Variants in CHLSN observed in about 807,000 individuals in gnomAD.
CHLSN encodes the protein cholesin, also known as protein cholesin.
chr7:1,044,518 C>G, the CHLSN span: 1 of 151,878 alleles, frequency 6.6e-6, no homozygotes. Context: ...GGCATGGCTG[C>G]CGCTCGCCGG....
chr7:1,111,059 G>C, the CHLSN span, among the ~76,000 whole-genome samples: 1 of 152,214 alleles, frequency 6.6e-6, no homozygotes, highest in African/African-American at 2.4e-5. Context: ...CTGGGCGACA[G>C]AGCGAGACTC....
At chr7:1,057,903 G>C in the CHLSN span, 5 of 776,220 alleles carry the variant, frequency 6.4e-6, no homozygotes, top group South Asian at 6.7e-5. Flanking sequence ...CCACTACATC[G>C]AGCGTGCACT....
the CHLSN span, among the ~76,000 whole-genome samples, chr7:1,002,448 A>G: frequency 2.4e-5 from 1 of 41,952 alleles, no homozygotes; most frequent in East Asian, 8.2e-4. Context: ...CCTGTGGGTG[A>G]GTGGAGTCCT....
chr7:979,018 G>A, the CHLSN span, among the ~76,000 whole-genome samples: 2 of 152,210 alleles, frequency 1.3e-5, no homozygotes, highest in Non-Finnish European at 2.9e-5. Context: ...ACGAGCTGCT[G>A]GGCTTCCCCA....
At chr7:980,650 T>TA in the CHLSN span, among the ~76,000 whole-genome samples, 1 of 151,530 alleles carries the variant, frequency 6.6e-6, no homozygotes, top group Non-Finnish European at 1.5e-5. Flanking sequence ...AGGCAGCCGT[T>TA]AGAGGAGTAC....
the CHLSN span, among the ~76,000 whole-genome samples, chr7:1,030,767 C>T: frequency 6.7e-6 from 1 of 148,378 alleles, no homozygotes; most frequent in Admixed American, 6.7e-5. Flanking sequence ...CACGCGGGGA[C>T]TCTCTCTCTC....
At chr7:1,010,681 G>A in the CHLSN span, among the ~76,000 whole-genome samples, 1 of 152,136 alleles carries the variant, frequency 6.6e-6, no homozygotes, top group Admixed American at 6.5e-5. Context: ...GAGGGAGAGG[G>A]CCCGCTGTGA....
At chr7:1,057,440 C>A in the CHLSN span, 1 of 659,478 alleles carries the variant, frequency 1.5e-6, no homozygotes. Flanking sequence ...CACTTCTGGG[C>A]CAGGGCTTTG....
At chr7:1,049,202 G>C in the CHLSN span, among the ~76,000 whole-genome samples, 1 of 152,154 alleles carries the variant, frequency 6.6e-6, no homozygotes, top group Non-Finnish European at 1.5e-5. Context: ...CCTGCCCCAC[G>C]TTTCCCCTGC....
chr7:1,017,609 C>T, the CHLSN span, among the ~76,000 whole-genome samples: 2 of 152,040 alleles, frequency 1.3e-5, no homozygotes, highest in African/African-American at 4.8e-5. Flanking sequence ...CACCCTCCTG[C>T]ACCTTCTTCT....
chr7:1,024,015 A>AT, the CHLSN span, among the ~76,000 whole-genome samples: 3 of 152,100 alleles, frequency 2.0e-5, no homozygotes, highest in Admixed American at 6.5e-5. Flanking sequence ...CAGTTTTTAA[A>AT]TTTTTTATAG....
the CHLSN span, among the ~76,000 whole-genome samples, chr7:1,123,270 A>C: frequency 6.6e-6 from 1 of 152,210 alleles, no homozygotes; most frequent in African/African-American, 2.4e-5. The surrounding 1 kb of genome is among the most constrained non-coding windows in gnomAD (Gnocchi z 4.4). Flanking sequence ...AGTTCCCATC[A>C]CTTGGGGACG....
chr7:1,057,205 AG>A, the CHLSN span, among the ~76,000 whole-genome samples: 1 of 152,150 alleles, frequency 6.6e-6, no homozygotes, highest in African/African-American at 2.4e-5. Flanking sequence ...GCCTCGCAGC[AG>A]CCCGTGAAGA....
the CHLSN span, among the ~76,000 whole-genome samples, chr7:987,927 G>A: frequency 7.3e-6 from 1 of 136,964 alleles, no homozygotes; most frequent in Non-Finnish European, 1.5e-5. Context: ...GATCCCCTGT[G>A]TGTCCTGGGG....
At chr7:1,059,666 C>T in the CHLSN span, among the ~76,000 whole-genome samples, 101 of 47,818 alleles carry the variant, frequency 2.1e-3, no homozygotes, top group East Asian at 7.3e-3. Context: ...GGGGCGGGTC[C>T]ATAGTGAGGC....
chr7:990,872 G>C, the CHLSN span, among the ~76,000 whole-genome samples: 1 of 152,112 alleles, frequency 6.6e-6, no homozygotes, highest in African/African-American at 2.4e-5. Flanking sequence ...GGAGGGTGCG[G>C]AACATTCCAG....
At chr7:1,061,681 C>T in the CHLSN span, among the ~76,000 whole-genome samples, 2 of 152,192 alleles carry the variant, frequency 1.3e-5, no homozygotes. Flanking sequence ...AACACAAGAA[C>T]TTGAGCCACT....
At chr7:1,085,832 C>CA in the CHLSN span, among the ~76,000 whole-genome samples, 600 of 133,972 alleles carry the variant, frequency 4.5e-3, 1 homozygote, top group African/African-American at 0.013. Flanking sequence ...AATCCTGTCT[C>CA]AAAAAAAAAA....
At chr7:1,116,091 C>T in the CHLSN span, among the ~76,000 whole-genome samples, 7 of 120,682 alleles carry the variant, frequency 5.8e-5, 1 homozygote, top group African/African-American at 2.3e-4. Context: ...GACATCACTA[C>T]AGCTCTAGGG....
Sources: allele counts gnomAD v4.1 joint callset (sites outside exome capture counted in the v4.1 genomes callset), GRCh38; gene constraint gnomAD v4.1.1; non-coding constraint Gnocchi (gnomAD v3.1); transcripts MANE v1.5; gene names NCBI Gene and HGNC (gene_info 2026-07-23, HGNC 2026-07-21).